The following PLXDC2 variants were observed in gnomAD, a reference collection of about 807,000 sequenced individuals.
PLXDC2 encodes the protein plexin domain-containing protein 2.
Under a neutral mutation model 68.9 loss-of-function variants are expected in PLXDC2, and 40 were observed. That is an observed-to-expected ratio of 0.58 (90% CI 0.45 to 0.76). The LOEUF is 0.76. PLXDC2 is among the 30% of genes least tolerant of loss of function. PLXDC2 has a pLI of 0.00. For missense variants in PLXDC2, 644 were observed against 661.9 expected (o/e 0.97, Z 0.30); for synonymous variants, 243 against 234.2 (o/e 1.04, Z -0.34).
chr10:19,879,635 C>A (rs1279146191), intron 1 of PLXDC2, among the ~76,000 whole-genome samples: 4 of 152,088 alleles, frequency 2.6e-5, no homozygotes, highest in Non-Finnish European at 5.9e-5. Flanking sequence ...AGTGGGAATT[C>A]ATTGCACACA....
intron 2 of PLXDC2, among the ~76,000 whole-genome samples, chr10:20,021,678 A>ATTATTTATTTATTTATTTATTTAT (rs71388891): frequency 4.0e-5 from 6 of 148,398 alleles, no homozygotes; most frequent in Non-Finnish European, 8.9e-5. Context: ...ATTTTTTTTT[A>ATTATTTATTTATTTATTTATTTAT]TTATTTATTT....
chr10:20,105,448 G>A (rs1833479461), intron 4 of PLXDC2, among the ~76,000 whole-genome samples: 2 of 151,500 alleles, frequency 1.3e-5, no homozygotes, highest in African/African-American at 2.4e-5. Flanking sequence ...CATATTAATG[G>A]CAAAAAGCAA....
At chr10:20,179,020 C>T (rs1266395213) in intron 9 of PLXDC2, among the ~76,000 whole-genome samples, 1 of 151,972 alleles carries the variant, frequency 6.6e-6, no homozygotes, top group Non-Finnish European at 1.5e-5. Context: ...AGAAGTTATT[C>T]AAAATCTGTT....
intron 4 of PLXDC2, among the ~76,000 whole-genome samples, chr10:20,084,495 G>C (rs1308466553): frequency 6.6e-6 from 1 of 152,070 alleles, no homozygotes; most frequent in Non-Finnish European, 1.5e-5. Context: ...CTTGTAACAG[G>C]GTAGTGGGAT....
At chr10:20,146,488 T>TTTCCTTCCTTCCTTCCTTCCCTCCTTCC (rs1834081568) in intron 5 of PLXDC2, among the ~76,000 whole-genome samples, 1 of 81,338 alleles carries the variant, frequency 1.2e-5, no homozygotes, top group Non-Finnish European at 2.4e-5. Flanking sequence ...TTCTTTTCTT[T>TTTCCTTCCTTCCTTCCTTCCCTCCTTCC]TTCCTTCCTT....
At chr10:20,182,524 G>A (rs1270684593) in intron 9 of PLXDC2, among the ~76,000 whole-genome samples, 3 of 151,836 alleles carry the variant, frequency 2.0e-5, no homozygotes, top group African/African-American at 7.3e-5. Flanking sequence ...TGTTTTTAGA[G>A]GCTTTTATGA....
intron 4 of PLXDC2, among the ~76,000 whole-genome samples, chr10:20,110,962 T>C (rs1833552873): frequency 6.6e-6 from 1 of 152,196 alleles, no homozygotes; most frequent in Non-Finnish European, 1.5e-5. Flanking sequence ...CTGACACCTA[T>C]TGGGCTCCCT....
chr10:20,088,876 A>G (rs1564311206), intron 4 of PLXDC2, among the ~76,000 whole-genome samples: 1 of 152,226 alleles, frequency 6.6e-6, no homozygotes, highest in Non-Finnish European at 1.5e-5. Context: ...GGAATGCTCT[A>G]TGATTTAGGA....
chr10:20,150,490 C>T (rs755654510), intron 6 of PLXDC2, among the ~76,000 whole-genome samples: 1 of 151,996 alleles, frequency 6.6e-6, no homozygotes, highest in African/African-American at 2.4e-5. Context: ...TATCAGAGCC[C>T]ACTATATTTT....
At chr10:20,232,210 A>G (rs919066352) in intron 12 of PLXDC2, among the ~76,000 whole-genome samples, 1 of 152,150 alleles carries the variant, frequency 6.6e-6, no homozygotes, top group Non-Finnish European at 1.5e-5. Context: ...GCTAAACACT[A>G]CACAACACTA....
At chr10:19,822,225 CATATGCAATATATAATATAAATGCCCTAT>C (rs1445199431) in intron 1 of PLXDC2, among the ~76,000 whole-genome samples, 2 of 148,792 alleles carry the variant, frequency 1.3e-5, no homozygotes, top group East Asian at 3.9e-4. Flanking sequence ...ATATGCACTA[CATATGCAATATATAATATAAATGCCCTAT>C]ATATGCAATA....
At chr10:19,950,455 G>A (rs1250112441) in intron 1 of PLXDC2, among the ~76,000 whole-genome samples, 1 of 152,076 alleles carries the variant, frequency 6.6e-6, no homozygotes, top group Non-Finnish European at 1.5e-5. Flanking sequence ...TAACCAAGGA[G>A]GTGAAAGATC....
chr10:20,115,529 AT>A (rs1420300538), intron 4 of PLXDC2, among the ~76,000 whole-genome samples: 1 of 152,174 alleles, frequency 6.6e-6, no homozygotes, highest in Non-Finnish European at 1.5e-5. Context: ...ATAAAAACCC[AT>A]TATATCTTTC....
chr10:20,024,203 A>G (rs1194828351), intron 2 of PLXDC2, among the ~76,000 whole-genome samples: 1 of 152,216 alleles, frequency 6.6e-6, no homozygotes, highest in Non-Finnish European at 1.5e-5. Context: ...TTGTAATAAA[A>G]AACTCTAAGC....
chr10:20,166,401 A>G (rs904497616), intron 7 of PLXDC2, among the ~76,000 whole-genome samples: 1 of 152,134 alleles, frequency 6.6e-6, no homozygotes, highest in South Asian at 2.1e-4. Flanking sequence ...ACTAAATTGT[A>G]CTGTGAACAA....
chr10:20,246,642 G>A (rs1323151812), intron 13 of PLXDC2, among the ~76,000 whole-genome samples: 3 of 152,168 alleles, frequency 2.0e-5, no homozygotes, highest in African/African-American at 7.2e-5. Context: ...GAGCCATCGT[G>A]CCTGGCCACA....
chr10:20,223,129 T>A (rs759485186), intron 12 of PLXDC2, among the ~76,000 whole-genome samples: 1 of 152,060 alleles, frequency 6.6e-6, no homozygotes, highest in Non-Finnish European at 1.5e-5. Flanking sequence ...CTCTTTTACT[T>A]CACACAACAT....
chr10:20,235,417 C>G (rs1024346118), intron 12 of PLXDC2, among the ~76,000 whole-genome samples: 7 of 152,146 alleles, frequency 4.6e-5, no homozygotes, highest in African/African-American at 1.7e-4. Context: ...AATAGAATAG[C>G]AAGTAATATG....
chr10:19,826,839 C>T (rs1836581913), intron 1 of PLXDC2, among the ~76,000 whole-genome samples: 3 of 151,864 alleles, frequency 2.0e-5, no homozygotes, highest in Admixed American at 2.0e-4. Flanking sequence ...ATCTTGTGGT[C>T]GCGTTTGTTA....
Sources: allele counts gnomAD v4.1 joint callset (sites outside exome capture counted in the v4.1 genomes callset), GRCh38; gene constraint gnomAD v4.1.1; transcripts MANE v1.5; gene names NCBI Gene and HGNC (gene_info 2026-07-23, HGNC 2026-07-21).